The following TLNRD1 variants were observed in gnomAD, a reference collection of about 807,000 sequenced individuals.
The protein encoded by TLNRD1 is talin rod domain-containing protein 1.
Under a neutral mutation model 19.5 loss-of-function variants are expected in TLNRD1, and 14 were observed. The ratio of observed to expected loss-of-function variants is 0.72; its 90% CI spans 0.47 to 1.12. TLNRD1 has a LOEUF of 1.12. Ranked by LOEUF, TLNRD1 falls within the 50% of genes most tolerant of loss-of-function variation. The pLI, the probability that TLNRD1 is intolerant of heterozygous loss-of-function variation, is 0.00. For synonymous variants in TLNRD1, 345 were observed against 261.7 expected (o/e 1.32, Z -3.07); for missense variants, 569 against 531.9 (o/e 1.07, Z -0.69).
rs1372834037 is a variant in TLNRD1, at chr15:81,001,057, CGAGGTGAAGCCGCGCGCG to C, written c.-1211_-1194del. On this transcript the variant is annotated 5_prime_UTR_variant, in exon 1 of 1. Coordinates refer to ENST00000267984, the MANE Select transcript of TLNRD1 (RefSeq NM_022566.3). ...CGGCGGCGCAGCCACGGCCGCGCTC[CGAGGTGAAGCCGCGCGCG>C]GAGAGGAAGCGGGTGTTTTCCCCTC... The C allele has an allele frequency of 3.3e-5, 5 of 152,552 alleles. No homozygotes were observed. Among genetic ancestry groups the C allele is most frequent in the African/African-American group, 1.2e-4 (5 of 41,408 alleles). 9.4% of individuals were successfully genotyped at this position (152,552 alleles called of 1,614,324 possible).
In TLNRD1 at chr15:81,002,564, G is replaced by C. The variant is rs146088440; in HGVS notation, c.293G>C (p.Ser98Thr). 1.6e-5 allele frequency: 23 copies of C among 1,464,294 alleles called. No individual in the cohort carries two copies. Among genetic ancestry groups the C allele is most frequent in the Non-Finnish European group, 2.1e-5 (23 of 1,114,472 alleles). The allele number at this position is 1,464,294 out of a possible 1,614,324, so 90.7% of individuals were successfully genotyped here. ...GLSILTHDVQ[S>T]QLNMGRFGEA... ...TCCATCCTCACCCACGACGTGCAGA[G>C]CCAGCTCAACATGGGCCGCTTCGGG... is the stretch of plus-strand genomic sequence containing the variant. The change falls in exon 1 of 1, where the codon AGC (serine) becomes ACC (threonine). Residue 98 changes from serine (S) to threonine (T), a missense_variant. Physicochemically the swap from Ser to Thr is moderately conservative, Grantham distance 58. Transcript: ENST00000267984.
In TLNRD1 at chr15:81,002,538, C is replaced by G. The variant is rs372943666; in HGVS notation, c.267C>G (p.Leu89=). 11 of 1,459,774 alleles carry G rather than the reference C, an allele frequency of 7.5e-6. No individual in the cohort carries two copies. In the East Asian group the frequency reaches 2.3e-4, roughly 31 times the overall value. The allele number at this position is 1,459,774 out of a possible 1,614,324, so 90.4% of individuals were successfully genotyped here. A position where few individuals can be genotyped will look rare whatever the true frequency, so the allele number is the denominator to read the frequency against. The change falls in exon 1 of 1, where the codon CTC becomes CTG. Residue 89 remains leucine, a synonymous_variant. Transcript: ENST00000267984. ...CCATCATCGCGCGCACCAAGGGGCT[C>G]TCCATCCTCACCCACGACGTGCAGA... ...RDTIIARTKG[L]SILTHDVQSQ...
rs1388083082 is a variant in TLNRD1 at position 81,002,723 on chromosome 15, A to G, written c.452A>G (p.Tyr151Cys). The G allele has an allele frequency of 6.5e-7, 1 of 1,532,822 alleles. No individual in the cohort carries two copies. The allele number at this position is 1,532,822 out of a possible 1,614,324, so 95.0% of individuals were successfully genotyped here. The change falls in exon 1 of 1, where the codon TAC becomes TGC. Residue 151 changes from tyrosine (Y) to cysteine (C), a missense_variant. Tyr to Cys is a radical substitution (Grantham distance 194). Coordinates refer to ENST00000267984, the MANE Select transcript of TLNRD1 (RefSeq NM_022566.3). The stretch of plus-strand genomic sequence containing the variant: ...GCGCAGCCGGGCCTGGTGGACCGCT[A>G]CCGCGTGACGCGATGCCGCCACGAG... ...QPAQPGLVDR[Y>C]RVTRCRHEVE... is the part of the protein sequence containing the mutation.
In TLNRD1 at chr15:81,002,697, C is replaced by A; in HGVS notation, c.426C>A (p.Pro142=). The A allele has an allele frequency of 6.7e-7, 1 of 1,493,162 alleles. No homozygotes were observed. The highest frequency in any genetic ancestry group is 2.4e-5 in the Admixed American group (1 of 42,192). The allele number at this position is 1,493,162 out of a possible 1,614,324, so 92.5% of individuals were successfully genotyped here. The change falls in exon 1 of 1, where the codon CCC becomes CCA. Residue 142 remains proline (P), a synonymous_variant. Coordinates refer to ENST00000267984, the MANE Select transcript of TLNRD1 (RefSeq NM_022566.3). ...LAAVATPGAQ[P]AQPGLVDRYR... ...CTGTGGCCACGCCGGGCGCCCAGCC[C>A]GCGCAGCCGGGCCTGGTGGACCGCT...
chr15:81,002,988 C>T lies in TLNRD1; in HGVS notation c.717C>T (p.Pro239=), dbSNP rs1420896552. 1.3e-6 allele frequency: 2 copies of T among 1,575,264 alleles called. No homozygotes were observed. Among genetic ancestry groups the T allele is most frequent in the South Asian group, 1.1e-5 (1 of 88,442 alleles). Residue 239 remains proline (P), a synonymous_variant, in exon 1 of 1, where the codon CCC becomes CCT. Coordinates refer to ENST00000267984, the MANE Select transcript of TLNRD1 (RefSeq NM_022566.3). ...GCGTGCGCGAGGTGAAGGTGGCGCC[C>T]AGTGAGCTGGCGCGCAGCCGCTGTG... ...LACVREVKVA[P]SELARSRCAL... is the part of the protein sequence containing the mutation.
chr15:81,003,518 C>G lies in TLNRD1; in HGVS notation c.*158C>G, dbSNP rs942212287. ...ATCTTCCACAAGGCAGGGCCATGCA[C>G]GCAACCTGCACACGCACTTGGAGGG... is the stretch of plus-strand genomic sequence containing the variant. On this transcript the variant is annotated 3_prime_UTR_variant, in exon 1 of 1. Coordinates refer to ENST00000267984, the MANE Select transcript of TLNRD1 (RefSeq NM_022566.3). 2.4e-6 allele frequency: 2 copies of G among 827,178 alleles called. No homozygotes were observed. Among genetic ancestry groups the G allele is most frequent in the Non-Finnish European group, 1.9e-6 (1 of 536,502 alleles). The allele number at this position is 827,178 out of a possible 1,614,324, so 51.2% of individuals were successfully genotyped here.
At position 81,004,459 on chromosome 15, in the gene TLNRD1, A is replaced by G. The variant is rs1338062722; in HGVS notation, c.*1099A>G. 2.4e-5 allele frequency: 4 copies of G among 166,748 alleles called. No homozygotes were observed. Among genetic ancestry groups the G allele is most frequent in the Non-Finnish European group, 4.4e-5 (3 of 67,968 alleles). 10.3% of individuals were successfully genotyped at this position (166,748 alleles called of 1,614,324 possible). A position where few individuals can be genotyped will look rare whatever the true frequency, so the allele number is the denominator to read the frequency against. On this transcript the variant is annotated 3_prime_UTR_variant, in exon 1 of 1. Transcript: ENST00000267984. ...ACTCAGAGTCTCTGGATGGAACTCTAAAAGTACTGTACATCAAGTGAGAAT... is the reference window on the plus strand; with the variant it reads ...ACTCAGAGTCTCTGGATGGAACTCTGAAAGTACTGTACATCAAGTGAGAAT...
In TLNRD1 at chr15:81,002,938, A is replaced by G. The variant is rs768156679; in HGVS notation, c.667A>G (p.Thr223Ala). 15 of 1,595,292 alleles carry G rather than the reference A, an allele frequency of 9.4e-6. No individual in the cohort carries two copies. The highest frequency in any genetic ancestry group is 1.3e-5 in the Non-Finnish European group (15 of 1,177,440). Residue 223 changes from threonine (T) to alanine (A), a missense_variant, in exon 1 of 1, where the codon ACC (threonine) becomes GCC (alanine). Physicochemically the swap from Thr to Ala is moderately conservative, Grantham distance 58. Coordinates refer to ENST00000267984, the MANE Select transcript of TLNRD1 (RefSeq NM_022566.3). Reference sequence around the variant, plus strand: ...CAAGCTGGGCGTCAAGTGCATGAGCACCAGCGCGTCGGCGCTGCTGGCCTG... The same window carrying G: ...CAAGCTGGGCGTCAAGTGCATGAGCGCCAGCGCGTCGGCGCTGCTGGCCTG... ...QFKLGVKCMS[T>A]SASALLACVR... is the part of the protein sequence containing the mutation.
rs529223114 is a variant in TLNRD1, at chr15:81,003,788, C to CTT, written c.*439_*440dup. On this transcript the variant is annotated 3_prime_UTR_variant, in exon 1 of 1. Coordinates refer to ENST00000267984, the MANE Select transcript of TLNRD1 (RefSeq NM_022566.3). ...GATGTAGCTACCTTTTTTTGTATGT[C>CTT]TTTTTTTTTTTTAAGCAATCGTGTT... The CTT allele has an allele frequency of 1.1e-4, 17 of 153,588 alleles. No individual in the cohort carries two copies. The highest frequency in any genetic ancestry group is 3.1e-4 in the African/African-American group (12 of 39,024). The allele number at this position is 153,588 out of a possible 1,614,324, so 9.5% of individuals were successfully genotyped here.
rs1255112099 is a variant in TLNRD1, at chr15:81,001,649, A to C, written c.-623A>C. On this transcript the variant is annotated 5_prime_UTR_variant, in exon 1 of 1. Transcript: ENST00000267984. ...CCCGGGGCGGCCGCGCGTCCCAGAG[A>C]GCCAGCCCCGGCCGCCGTCGCGGGG... 1 of 151,116 alleles carries C rather than the reference A, an allele frequency of 6.6e-6. No homozygotes were observed. The highest frequency in any genetic ancestry group is 1.5e-5 in the Non-Finnish European group (1 of 67,668). The allele number at this position is 151,116 out of a possible 1,614,324, so 9.4% of individuals were successfully genotyped here.
Position 81,003,061 on chromosome 15 carries a change from T to A in TLNRD1, c.790T>A (p.Phe264Ile), listed in dbSNP as rs1319492011. ...LVQAVSALVGFATEPQFLGRA... is the reference protein window; with the variant it reads ...LVQAVSALVGIATEPQFLGRA... ...GCAGGCAGTGAGCGCCCTGGTAGGCTTCGCCACCGAGCCGCAGTTCCTGGG... is the reference window on the plus strand; with the variant it reads ...GCAGGCAGTGAGCGCCCTGGTAGGCATCGCCACCGAGCCGCAGTTCCTGGG... The change falls in exon 1 of 1, where the codon TTC (phenylalanine) becomes ATC (isoleucine). Residue 264 changes from phenylalanine to isoleucine, a missense_variant. Physicochemically the swap from Phe to Ile is conservative, Grantham distance 21. Coordinates refer to ENST00000267984, the MANE Select transcript of TLNRD1 (RefSeq NM_022566.3). 3.9e-6 allele frequency: 6 copies of A among 1,546,554 alleles called. No individual in the cohort carries two copies. The highest frequency in any genetic ancestry group is 5.2e-6 in the Non-Finnish European group (6 of 1,152,156).
At position 81,002,694 on chromosome 15, in the gene TLNRD1, G is replaced by A. The variant is rs1214504671; in HGVS notation, c.423G>A (p.Gln141=). 8 of 1,489,392 alleles carry A rather than the reference G, an allele frequency of 5.4e-6. No individual in the cohort carries two copies. The East Asian group carries it at 7.7e-5, about 14-fold the overall frequency. The allele number at this position is 1,489,392 out of a possible 1,614,324, so 92.3% of individuals were successfully genotyped here. ...CCGCTGTGGCCACGCCGGGCGCCCAGCCCGCGCAGCCGGGCCTGGTGGACC... is the reference window on the plus strand; with the variant it reads ...CCGCTGTGGCCACGCCGGGCGCCCAACCCGCGCAGCCGGGCCTGGTGGACC... ...YLAAVATPGA[Q]PAQPGLVDRY... Residue 141 remains glutamine, a synonymous_variant, in exon 1 of 1, where the codon CAG becomes CAA. Transcript: ENST00000267984.
Position 81,001,767 on chromosome 15 carries a change from C to G in TLNRD1, c.-505C>G, listed in dbSNP as rs545038720. On this transcript the variant is annotated 5_prime_UTR_variant, in exon 1 of 1. Transcript: ENST00000267984. ...GCGCGGCGGCTGACAGCACAGCCCG[C>G]CTGAGCTGCCTCCCGCGCTCCTCCC... is the stretch of plus-strand genomic sequence containing the variant. 6.6e-6 allele frequency: 1 copy of G among 152,036 alleles called. No individual in the cohort carries two copies. The highest frequency in any genetic ancestry group is 1.5e-5 in the Non-Finnish European group (1 of 68,004). 9.4% of individuals were successfully genotyped at this position (152,036 alleles called of 1,614,324 possible). A position where few individuals can be genotyped will look rare whatever the true frequency, so the allele number is the denominator to read the frequency against.
rs985322795 is a variant in TLNRD1, at chr15:81,005,005, AAGAG to A, written c.*1653_*1656del. 2 of 166,946 alleles carry A rather than the reference AAGAG, an allele frequency of 1.2e-5. No homozygotes were observed. Among genetic ancestry groups the A allele is most frequent in the African/African-American group, 2.4e-5 (1 of 41,438 alleles). The allele number at this position is 166,946 out of a possible 1,614,324, so 10.3% of individuals were successfully genotyped here. On this transcript the variant is annotated 3_prime_UTR_variant, in exon 1 of 1. Transcript: ENST00000267984. ...AAAGCATTTTTCACTGTAATACATT[AAGAG>A]AGAGAGAAAAAAGTCATATTGACTA...
At position 81,002,758 on chromosome 15, in the gene TLNRD1, G is replaced by C. The variant is rs911513174; in HGVS notation, c.487G>C (p.Gly163Arg). The part of the protein sequence containing the change: ...VTRCRHEVEQ[G>R]CAVLRATPLA... The stretch of plus-strand genomic sequence containing the variant: ...GCGATGCCGCCACGAGGTGGAGCAG[G>C]GTTGCGCCGTGCTGCGCGCCACGCC... Residue 163 changes from glycine to arginine, a missense_variant, in exon 1 of 1, where the codon GGT (glycine) becomes CGT (arginine). Physicochemically the swap from Gly to Arg is moderately radical, Grantham distance 125. Transcript: ENST00000267984. The C allele has an allele frequency of 3.1e-5, 47 of 1,540,318 alleles. No individual in the cohort carries two copies. The highest frequency in any genetic ancestry group is 4.0e-5 in the Non-Finnish European group (46 of 1,149,254).
chr15:81,003,746 T>C lies in TLNRD1; in HGVS notation c.*386T>C, dbSNP rs1348692284. On this transcript the variant is annotated 3_prime_UTR_variant, in exon 1 of 1. Coordinates refer to ENST00000267984, the MANE Select transcript of TLNRD1 (RefSeq NM_022566.3). ...AATTAAAAGAAAGGTTACCTCAGTTTTCACTCCTTAGACATGGATGTAGCT... is the reference window on the plus strand; with the variant it reads ...AATTAAAAGAAAGGTTACCTCAGTTCTCACTCCTTAGACATGGATGTAGCT... 5.3e-6 allele frequency: 1 copy of C among 188,272 alleles called. No homozygotes were observed. Among genetic ancestry groups the C allele is most frequent in the African/African-American group, 2.4e-5 (1 of 42,298 alleles). 11.7% of individuals were successfully genotyped at this position (188,272 alleles called of 1,614,324 possible). A position where few individuals can be genotyped will look rare whatever the true frequency, so the allele number is the denominator to read the frequency against.
rs1484167708 is a variant in TLNRD1 at position 81,002,891 on chromosome 15, A to G, written c.620A>G (p.Asp207Gly). The change falls in exon 1 of 1, where the codon GAC becomes GGC. Residue 207 changes from aspartate to glycine, a missense_variant. Physicochemically the swap from Asp to Gly is moderately conservative, Grantham distance 94 (BLOSUM62 -1). Coordinates refer to ENST00000267984, the MANE Select transcript of TLNRD1 (RefSeq NM_022566.3). ...ACALASDKSR[D>G]RFSREQFKLG... ...GCCCTGGCCAGTGACAAGTCACGGGACCGCTTTTCGCGGGAGCAGTTCAAG... is the reference window on the plus strand; with the variant it reads ...GCCCTGGCCAGTGACAAGTCACGGGGCCGCTTTTCGCGGGAGCAGTTCAAG... 6.3e-7 allele frequency: 1 copy of G among 1,597,286 alleles called. No homozygotes were observed. The highest frequency in any genetic ancestry group is 8.5e-7 in the Non-Finnish European group (1 of 1,178,914).
chr15:81,001,834 G>A lies in TLNRD1; in HGVS notation c.-438G>A, dbSNP rs1274878342. The A allele has an allele frequency of 6.5e-6, 1 of 154,586 alleles. No homozygotes were observed. The highest frequency in any genetic ancestry group is 1.4e-5 in the Non-Finnish European group (1 of 69,796). 9.6% of individuals were successfully genotyped at this position (154,586 alleles called of 1,614,324 possible). Reference sequence around the variant, plus strand: ...ATTTCAAAGAAAGGAAGGAAGGAAGGACAACTCCCAGCTTCCCCGTCCCGC... The same window carrying A: ...ATTTCAAAGAAAGGAAGGAAGGAAGAACAACTCCCAGCTTCCCCGTCCCGC... On this transcript the variant is annotated 5_prime_UTR_variant, in exon 1 of 1. Transcript: ENST00000267984.
chr15:81,004,027 A>G lies in TLNRD1; in HGVS notation c.*667A>G, dbSNP rs1431513553. The G allele has an allele frequency of 6.0e-6, 1 of 166,366 alleles. No individual in the cohort carries two copies. The highest frequency in any genetic ancestry group is 2.4e-5 in the African/African-American group (1 of 41,152). The allele number at this position is 166,366 out of a possible 1,614,324, so 10.3% of individuals were successfully genotyped here. On this transcript the variant is annotated 3_prime_UTR_variant, in exon 1 of 1. Coordinates refer to ENST00000267984, the MANE Select transcript of TLNRD1 (RefSeq NM_022566.3). ...AGATGGCTTTTTGCAATTATTGTTG[A>G]TTTTTCAATAATTGTAATTTTGCAT...
Sources: allele counts gnomAD v4.1 joint callset, GRCh38; gene constraint gnomAD v4.1.1; transcripts MANE v1.5; gene names NCBI Gene and HGNC (gene_info 2026-07-23, HGNC 2026-07-21).